The following SIK3 variants were observed in gnomAD, a reference collection of about 807,000 sequenced individuals.
SIK3 encodes the protein serine/threonine-protein kinase SIK3.
In SIK3, 28 loss-of-function variants were observed where a neutral mutation model predicts 144.2. The observed-to-expected ratio is 0.19, with a 90% CI of 0.14 to 0.27. The LOEUF (loss-of-function observed/expected upper bound fraction) is 0.27. Ranked by LOEUF, SIK3 falls within the 10% of genes least tolerant of loss-of-function variation. The probability of loss-of-function intolerance (pLI) is 1.00; values close to 1 mark genes in which losing one functional copy is unlikely to be tolerated. For synonymous variants in SIK3, 686 were observed against 676.3 expected (o/e 1.01, Z -0.22); for missense variants, 1,319 against 1,776.0 (o/e 0.74, Z 4.62).
Position 116,846,379 on chromosome 11 carries a change from T to A in SIK3, c.*13+4A>T. ...GGTTTGGCTCTGGCCAGGGTGACAC[T>A]CACTCTCTGTTTCTTGTTACACGCC... On this transcript the variant is annotated splice_donor_region_variant and intron_variant, in intron 24 of 24. Coordinates refer to ENST00000445177, the MANE Select transcript of SIK3 (RefSeq NM_001366686.3). This position sits in a 1 kb window ranked among gnomAD's most constrained non-coding sequence, Gnocchi z 4.1. 4 of 1,613,276 alleles carry A rather than the reference T, an allele frequency of 2.5e-6. No individual in the cohort carries two copies. Among genetic ancestry groups the A allele is most frequent in the Non-Finnish European group, 3.4e-6 (4 of 1,179,674 alleles).
intron 6 of SIK3, among the ~76,000 whole-genome samples, chr11:116,879,164 G>A (rs1944419708): frequency 6.6e-6 from 1 of 152,052 alleles, no homozygotes; most frequent in Non-Finnish European, 1.5e-5. Flanking sequence ...AATCAAATGA[G>A]ATTGTAATTG....
Position 116,875,983 on chromosome 11 carries a change from G to C in SIK3, c.1122C>G (p.His374Gln). ...LQSLRSDAYD[H>Q]YSAIYSLLCD... is the part of the protein sequence containing the mutation. The stretch of plus-strand genomic sequence containing the variant: ...ACAGCAGGCTGTAGATTGCACTATA[G>C]TGATCATAGGCATCTGATCTTAATG... Residue 374 changes from histidine to glutamine, a missense_variant, in exon 9 of 25, where the codon CAC becomes CAG. Coordinates refer to ENST00000445177, the MANE Select transcript of SIK3 (RefSeq NM_001366686.3). 1 of 1,613,388 alleles carries C rather than the reference G, an allele frequency of 6.2e-7. No homozygotes were observed. The highest frequency in any genetic ancestry group is 8.5e-7 in the Non-Finnish European group (1 of 1,179,866).
intron 1 of SIK3, among the ~76,000 whole-genome samples, chr11:116,996,725 C>T (rs1950678876): frequency 7.1e-6 from 1 of 141,292 alleles, no homozygotes; most frequent in Admixed American, 7.9e-5. Flanking sequence ...GAGGCTGAGG[C>T]ATAGGAATCG....
intron 11 of SIK3, among the ~76,000 whole-genome samples, chr11:116,874,601 G>C (rs1052132693): frequency 2.0e-5 from 3 of 152,220 alleles, no homozygotes; most frequent in African/African-American, 7.2e-5. Flanking sequence ...TCAGTCTGTG[G>C]AGCCAGAATG....
intron 12 of SIK3, 130 bp from the exon 13 acceptor site, chr11:116,873,766 C>G: frequency 6.8e-7 from 1 of 1,464,462 alleles, no homozygotes; most frequent in Non-Finnish European, 9.2e-7. Flanking sequence ...GCTTCCCGCT[C>G]ACCCGAGCTA....
At chr11:116,998,794 C>T (rs1195915114) in intron 1 of SIK3, among the ~76,000 whole-genome samples, 1 of 152,078 alleles carries the variant, frequency 6.6e-6, no homozygotes, top group African/African-American at 2.4e-5. Flanking sequence ...TTTTTAGAGC[C>T]ACAGAATCAT....
intron 1 of SIK3, among the ~76,000 whole-genome samples, chr11:117,043,193 C>G (rs12279066): frequency 0.37 from 56,610 of 151,872 alleles, 12,895 homozygotes; most frequent in African/African-American, 0.65. Flanking sequence ...TCCCTCCGAA[C>G]GTGCCATGAA....
intron 14 of SIK3, chr11:116,869,949 C>T: frequency 2.1e-6 from 1 of 465,466 alleles, no homozygotes; most frequent in Non-Finnish European, 3.7e-6. Flanking sequence ...GCCAGACTAG[C>T]TAGGATCACT....
At chr11:116,963,610 A>C (rs1316143607) in intron 1 of SIK3, among the ~76,000 whole-genome samples, 1 of 152,216 alleles carries the variant, frequency 6.6e-6, no homozygotes, top group African/African-American at 2.4e-5. Flanking sequence ...CCACTGAAAC[A>C]GTATTGGAGT....
chr11:116,950,150 G>A (rs1948867615), intron 3 of SIK3: 2 of 470,864 alleles, frequency 4.2e-6, no homozygotes, highest in Admixed American at 2.4e-5. Flanking sequence ...AGTTCCACAA[G>A]TGGGGGCTGA....
intron 1 of SIK3, among the ~76,000 whole-genome samples, chr11:117,003,599 T>C (rs935033168): frequency 6.6e-6 from 1 of 152,036 alleles, no homozygotes; most frequent in Non-Finnish European, 1.5e-5. Flanking sequence ...CAACACAAGG[T>C]AGGCAACAAA....
chr11:116,921,578 C>T (rs569989999), intron 4 of SIK3, among the ~76,000 whole-genome samples: 5 of 151,992 alleles, frequency 3.3e-5, no homozygotes, highest in Non-Finnish European at 5.9e-5. Context: ...CACTATGTTG[C>T]CCCAGGTCTC....
intron 6 of SIK3, among the ~76,000 whole-genome samples, chr11:116,891,376 G>A (rs1945098755): frequency 6.6e-6 from 1 of 152,214 alleles, no homozygotes; most frequent in Admixed American, 6.5e-5. Context: ...AGCTACTTGG[G>A]AGACTGAGGC....
chr11:116,970,699 G>A (rs1949737347), intron 1 of SIK3, among the ~76,000 whole-genome samples: 2 of 151,970 alleles, frequency 1.3e-5, no homozygotes, highest in South Asian at 4.1e-4. Flanking sequence ...TGACCACGCT[G>A]GAGTGCAATG....
At chr11:116,956,336 A>G (rs2441221) in intron 2 of SIK3, among the ~76,000 whole-genome samples, 2 of 107,712 alleles carry the variant, frequency 1.9e-5, no homozygotes, top group Admixed American at 8.5e-5. Flanking sequence ...TGGGAAGACC[A>G]AAAAAAAAAA....
intron 7 of SIK3, 125 bp downstream of exon 7, chr11:116,876,799 T>G: frequency 1.3e-6 from 1 of 746,472 alleles, no homozygotes; most frequent in South Asian, 1.5e-5. Flanking sequence ...ACGTGCTGCT[T>G]TAGTGTTACA....
chr11:117,064,011 T>C lies in SIK3; in HGVS notation c.273+34132A>G, dbSNP rs558826273. Among the ~76,000 whole-genome samples, 18 of 152,260 alleles carry C rather than the reference T, an allele frequency of 1.2e-4. No homozygotes were observed. The South Asian group carries it at 2.3e-3, about 19-fold the overall frequency. The stretch of plus-strand genomic sequence containing the variant: ...CCTTCAGGGACACTGATAACTTTAT[T>C]ATATGTTAATGAATACAGTATCAAA... On this transcript the variant is annotated intron_variant, in intron 1 of 24. Transcript: ENST00000445177.
chr11:116,947,904 T>C (rs1948751920), intron 3 of SIK3, among the ~76,000 whole-genome samples: 1 of 151,458 alleles, frequency 6.6e-6, no homozygotes, highest in Admixed American at 6.6e-5. Flanking sequence ...AGTTGGTATC[T>C]TTCTAGGAAT....
In SIK3 at chr11:116,874,146, G is replaced by A; in HGVS notation, c.1428-90C>T. ...AAAACTGATGGCATTGCTATGTTCA[G>A]TACAACTTATTTTATTTTCTTCCTG... On this transcript the variant is annotated intron_variant, in intron 11 of 24. Coordinates refer to ENST00000445177, the MANE Select transcript of SIK3 (RefSeq NM_001366686.3). The A allele has an allele frequency of 2.4e-6, 3 of 1,244,600 alleles. No homozygotes were observed. The South Asian group carries it at 4.0e-5, about 17-fold the overall frequency. 77.1% of individuals were successfully genotyped at this position (1,244,600 alleles called of 1,614,324 possible). A position where few individuals can be genotyped will look rare whatever the true frequency, so the allele number is the denominator to read the frequency against.
Sources: gnomAD v4.1 joint callset for allele counts (sites outside exome capture counted in the v4.1 genomes callset) on GRCh38, gnomAD v4.1.1 for gene constraint, Gnocchi (gnomAD v3.1) non-coding constraint, MANE v1.5 for transcripts, NCBI Gene and HGNC (gene_info 2026-07-23, HGNC 2026-07-21) for gene names.